LHFPL6: variants seen among roughly 807,000 people sequenced by gnomAD.
The protein encoded by LHFPL6 is LHFPL tetraspan subfamily member 6, also known as LHFPL tetraspan subfamily member 6 protein.
A neutral mutation model predicts 20.6 loss-of-function variants in LHFPL6; 9 were observed. The observed-to-expected ratio is 0.44, with a 90% CI of 0.26 to 0.76. The LOEUF (loss-of-function observed/expected upper bound fraction) is 0.76. Among genes scored for constraint, LHFPL6 ranks in the 30% least tolerant of loss-of-function variants. The pLI is 0.20. For missense variants in LHFPL6, 218 were observed against 253.5 expected (o/e 0.86, Z 0.95); for synonymous variants, 105 against 98.7 (o/e 1.06, Z -0.38).
intron 2 of LHFPL6, among the ~76,000 whole-genome samples, chr13:39,455,014 A>G (rs933107861): frequency 6.6e-6 from 1 of 152,042 alleles, no homozygotes; most frequent in Admixed American, 6.5e-5. Context: ...GTGCCATTCC[A>G]CCCTGTGAGG....
At chr13:39,351,256 A>G (rs1464091879) in intron 3 of LHFPL6, among the ~76,000 whole-genome samples, 2 of 152,218 alleles carry the variant, frequency 1.3e-5, no homozygotes, top group African/African-American at 4.8e-5. Context: ...AAGGGCTACA[A>G]GTTATGAAGG....
intron 2 of LHFPL6, among the ~76,000 whole-genome samples, chr13:39,519,135 C>T (rs532129023): frequency 6.6e-6 from 1 of 152,172 alleles, no homozygotes; most frequent in South Asian, 2.1e-4. Flanking sequence ...ACTCGGGAGG[C>T]TGAGGCAGAA....
At chr13:39,438,087 C>A (rs1872014497) in intron 2 of LHFPL6, among the ~76,000 whole-genome samples, 1 of 152,084 alleles carries the variant, frequency 6.6e-6, no homozygotes, top group Middle Eastern at 3.2e-3. Context: ...ATTGTTGTGA[C>A]CAAAATTCTG....
intron 2 of LHFPL6, among the ~76,000 whole-genome samples, chr13:39,567,485 A>G (rs1361055206): frequency 1.3e-5 from 2 of 152,230 alleles, no homozygotes; most frequent in Non-Finnish European, 2.9e-5. Context: ...TCAGAGCAAG[A>G]TCTAACAGAC....
intron 2 of LHFPL6, among the ~76,000 whole-genome samples, chr13:39,415,287 G>A (rs549341420): frequency 5.1e-4 from 78 of 152,258 alleles, no homozygotes; most frequent in African/African-American, 1.7e-3. Flanking sequence ...CATGAATCCC[G>A]TTGGATTTCT....
At chr13:39,456,713 A>G (rs1454262096) in intron 2 of LHFPL6, among the ~76,000 whole-genome samples, 1 of 152,254 alleles carries the variant, frequency 6.6e-6, no homozygotes, top group African/African-American at 2.4e-5. Context: ...TTAAGTTTAA[A>G]TGAATTATGA....
intron 2 of LHFPL6, among the ~76,000 whole-genome samples, chr13:39,594,667 C>T (rs1485325694): frequency 6.6e-6 from 1 of 152,196 alleles, no homozygotes; most frequent in East Asian, 1.9e-4. Context: ...CACATGCACA[C>T]ATATGTTTAT....
intron 2 of LHFPL6, among the ~76,000 whole-genome samples, chr13:39,389,906 T>G (rs565274614): frequency 1.3e-5 from 2 of 152,294 alleles, no homozygotes; most frequent in South Asian, 4.1e-4. Context: ...GTAAGTTCTA[T>G]TGCAGAAATT....
chr13:39,353,729 CAA>C (rs1869653795), intron 3 of LHFPL6, among the ~76,000 whole-genome samples: 1 of 151,984 alleles, frequency 6.6e-6, no homozygotes. Context: ...AACAAACAAA[CAA>C]AAAAACTCCT....
At chr13:39,489,725 G>GT (rs1868852744) in intron 2 of LHFPL6, among the ~76,000 whole-genome samples, 1 of 151,876 alleles carries the variant, frequency 6.6e-6, no homozygotes, top group South Asian at 2.1e-4. Context: ...GCTAATTTTT[G>GT]TATTTTTAGT....
chr13:39,360,174 C>G lies in LHFPL6; in HGVS notation c.485-16120G>C, dbSNP rs949965084. ...TAGCTGGGATTACAGGAGTCCGCCA[C>G]CACGCCCGGCTAATTTTTGTATTTT... On this transcript the variant is annotated intron_variant, in intron 3 of 3. Coordinates refer to ENST00000379589, the MANE Select transcript of LHFPL6 (RefSeq NM_005780.3). Among the ~76,000 whole-genome samples, 6 of 96,582 alleles carry G rather than the reference C, an allele frequency of 6.2e-5. 2 individuals carry two copies. Among genetic ancestry groups the G allele is most frequent in the Non-Finnish European group, 1.5e-4 (6 of 40,924 alleles). 63.4% of individuals were successfully genotyped at this position (96,582 alleles called of 152,430 possible).
chr13:39,399,130 A>T (rs1870917778), intron 2 of LHFPL6, among the ~76,000 whole-genome samples: 1 of 152,232 alleles, frequency 6.6e-6, no homozygotes, highest in Non-Finnish European at 1.5e-5. Flanking sequence ...TTATCCAGAC[A>T]CCATAAAAGG....
chr13:39,461,044 T>G (rs1004630281), intron 2 of LHFPL6, among the ~76,000 whole-genome samples: 1 of 152,180 alleles, frequency 6.6e-6, no homozygotes, highest in Non-Finnish European at 1.5e-5. Context: ...GTGTCCATGT[T>G]TACTCAATGT....
chr13:39,407,661 G>C (rs1190538129), intron 2 of LHFPL6, among the ~76,000 whole-genome samples: 2 of 152,214 alleles, frequency 1.3e-5, no homozygotes, highest in Non-Finnish European at 2.9e-5. Flanking sequence ...AACTATGAAA[G>C]TGATGCTCTA....
intron 3 of LHFPL6, among the ~76,000 whole-genome samples, chr13:39,352,937 G>GTGTATATATATATAAATGTATATATA (rs1421985157): frequency 1.0e-4 from 4 of 38,390 alleles, no homozygotes; most frequent in Non-Finnish European, 2.0e-4. Context: ...GTATATATAT[G>GTGTATATATATATAAATGTATATATA]TGTGTATATA....
intron 2 of LHFPL6, among the ~76,000 whole-genome samples, chr13:39,568,400 G>T (rs1364350677): frequency 6.6e-6 from 1 of 151,948 alleles, no homozygotes; most frequent in Admixed American, 6.6e-5. Flanking sequence ...ATTTTATTCA[G>T]GACAATGACC....
intron 3 of LHFPL6, among the ~76,000 whole-genome samples, chr13:39,359,194 A>T (rs1307051368): frequency 6.6e-6 from 1 of 152,132 alleles, no homozygotes; most frequent in Non-Finnish European, 1.5e-5. Context: ...AGGTGTTGGC[A>T]GGACTGTGAA....
intron 2 of LHFPL6, among the ~76,000 whole-genome samples, chr13:39,566,659 G>C (rs1871726285): frequency 7.0e-6 from 1 of 142,228 alleles, no homozygotes; most frequent in Admixed American, 7.5e-5. Flanking sequence ...CCTGAGCCCA[G>C]GAAGTCCAGG....
At chr13:39,562,723 G>T (rs543830329) in intron 2 of LHFPL6, among the ~76,000 whole-genome samples, 7 of 147,342 alleles carry the variant, frequency 4.8e-5, no homozygotes. Context: ...CACACACTAC[G>T]TGTATAGAAT....
Sources: gnomAD v4.1 joint callset for allele counts (sites outside exome capture counted in the v4.1 genomes callset) on GRCh38, gnomAD v4.1.1 for gene constraint, MANE v1.5 for transcripts, NCBI Gene and HGNC (gene_info 2026-07-23, HGNC 2026-07-21) for gene names.